The following NIT1 variants were observed in gnomAD, a reference collection of about 807,000 sequenced individuals.
NIT1 encodes the protein nitrilase 1, also known as deaminated glutathione amidase.
A neutral mutation model predicts 36.8 loss-of-function variants in NIT1; 30 were observed. The ratio of observed to expected loss-of-function variants is 0.82; its 90% CI spans 0.61 to 1.11. The LOEUF is 1.11. NIT1 is among the 50% of genes least tolerant of loss of function. The pLI, the probability that NIT1 is intolerant of heterozygous loss-of-function variation, is 0.00. For synonymous variants in NIT1, 151 were observed against 155.6 expected, an observed-to-expected ratio of 0.97 and a Z score of 0.22; for missense variants, 438 against 410.6, an observed-to-expected ratio of 1.07 and a Z score of -0.58.
At chr1:161,122,190 C>T (rs902106454), downstream of NIT1, 2 of 1,614,034 alleles carry the variant, frequency 1.2e-6, no homozygotes, top group Non-Finnish European at 8.5e-7. This position sits in a 1 kb window ranked among gnomAD's most constrained non-coding sequence, Gnocchi z 4.2. Flanking sequence ...GAGTTTCTGT[C>T]GGCCCAGCTC....
Position 161,119,123 on chromosome 1 carries a change from G to T in NIT1, c.99-11G>T. ...TATGAAATCTGAGAATCCTGCCTAT[G>T]CTGTTCACAGGCCCAGAGCCATGGC... is the stretch of plus-strand genomic sequence containing the variant. On this transcript the variant is annotated splice_polypyrimidine_tract_variant and intron_variant, in intron 2 of 6. Transcript: ENST00000368009. 1 of 1,612,986 alleles carries T rather than the reference G, an allele frequency of 6.2e-7. No individual in the cohort carries two copies.
chr1:161,124,366 C>T, downstream of NIT1: 2 of 1,614,172 alleles, frequency 1.2e-6, no homozygotes, highest in Non-Finnish European at 1.7e-6. Flanking sequence ...TGAGTGCCCA[C>T]GATGTCAAAC....
chr1:161,120,540 A>T lies in NIT1; in HGVS notation c.759A>T (p.Val253=). 1 of 1,614,170 alleles carries T rather than the reference A, an allele frequency of 6.2e-7. No homozygotes were observed. Among genetic ancestry groups the T allele is most frequent in the Non-Finnish European group, 8.5e-7 (1 of 1,180,032 alleles). Residue 253 remains valine (V), a synonymous_variant, in exon 7 of 7, where the codon GTA becomes GTT. Coordinates refer to ENST00000368009, the MANE Select transcript of NIT1 (RefSeq NM_005600.3). ...RARAIETQCY[V]VAAAQCGRHH... ...GTGCTATCGAAACCCAGTGCTATGT[A>T]GTGGCAGCAGCACAGTGTGGACGCC...
chr1:161,124,694 G>T, downstream of NIT1: 1 of 877,112 alleles, frequency 1.1e-6, no homozygotes, highest in Non-Finnish European at 1.6e-6. Context: ...AGGCACAGGG[G>T]CTCACACCTG....
At chr1:161,123,881 G>C (rs933198992), downstream of NIT1, 6 of 1,613,924 alleles carry the variant, frequency 3.7e-6, no homozygotes, top group Admixed American at 1.7e-5. Flanking sequence ...GGATCACTGA[G>C]GGCTCTGGGG....
chr1:161,125,122 G>GT (rs1257403698), downstream of NIT1: 1 of 152,218 alleles, frequency 6.6e-6, no homozygotes, highest in Non-Finnish European at 1.5e-5. Context: ...AATTCTGACT[G>GT]TATCACTGAA....
At chr1:161,119,009 A>G (rs1028321554) in intron 2 of NIT1, 125 bp from the exon 3 acceptor site, 18 of 1,384,508 alleles carry the variant, frequency 1.3e-5, no homozygotes, top group Admixed American at 8.5e-5. Flanking sequence ...CCCTGGGTCA[A>G]CGTGCCCTGT....
Position 161,120,984 on chromosome 1 carries a change from T to G in NIT1, c.*219T>G. The G allele has an allele frequency of 2.1e-6, 3 of 1,408,702 alleles. No individual in the cohort carries two copies. Among genetic ancestry groups the G allele is most frequent in the Non-Finnish European group, 2.8e-6 (3 of 1,084,572 alleles). 87.3% of individuals were successfully genotyped at this position (1,408,702 alleles called of 1,614,324 possible). ...AGTTTCAGAAAGGTGGAATTTTATA[T>G]AGTCATTGTTTATTTCATGGAAACT... On this transcript the variant is annotated 3_prime_UTR_variant, in exon 7 of 7. Transcript: ENST00000368009.
chr1:161,118,928 G>C, intron 2 of NIT1, 47 bp downstream of exon 2: 1 of 1,470,768 alleles, frequency 6.8e-7, no homozygotes, highest in East Asian at 2.3e-5. Flanking sequence ...TAGATGCTCA[G>C]TTTGTTAAAT....
chr1:161,118,879 C>G lies in NIT1; in HGVS notation c.96C>G (p.Pro32=). The change falls in exon 2 of 7, where the codon CCC becomes CCG. Residue 32 remains proline, a splice_region_variant and synonymous_variant. Transcript: ENST00000368009. ...IPQLSVLCAQ[P]RPRAMAISSS... Reference sequence around the variant, plus strand: ...AACTCTCAGTACTTTGTGCTCAGCCCAGGTAACACGTTTTGTTGTGTCCTC... The same window carrying G: ...AACTCTCAGTACTTTGTGCTCAGCCGAGGTAACACGTTTTGTTGTGTCCTC... 7 of 1,611,592 alleles carry G rather than the reference C, an allele frequency of 4.3e-6. 1 individual carries two copies. The South Asian group carries it at 6.6e-5, about 15-fold the overall frequency.
chr1:161,122,023 T>TA (rs1655553693), downstream of NIT1: 134 of 1,161,890 alleles, frequency 1.2e-4, no homozygotes, highest in South Asian at 2.1e-4. The surrounding 1 kb of genome is among the most constrained non-coding windows in gnomAD (Gnocchi z 4.2). Context: ...GTCTTTTTCT[T>TA]TAAAAAAAAA....
chr1:161,119,204 A>C lies in NIT1; in HGVS notation c.169A>C (p.Thr57Pro). Residue 57 changes from threonine to proline, a missense_variant, in exon 3 of 7, where the codon ACG (threonine) becomes CCG (proline). Coordinates refer to ENST00000368009, the MANE Select transcript of NIT1 (RefSeq NM_005600.3). ...PLVAVCQVTS[T>P]PDKQQNFKTC... ...GGTGGCTGTGTGCCAGGTAACATCG[A>C]CGCCAGACAAGCAACAGAACTTTAA... is the stretch of plus-strand genomic sequence containing the variant. The C allele has an allele frequency of 6.2e-7, 1 of 1,614,102 alleles. No homozygotes were observed. The highest frequency in any genetic ancestry group is 8.5e-7 in the Non-Finnish European group (1 of 1,180,036).
chr1:161,122,916 G>C, downstream of NIT1: 1 of 1,343,238 alleles, frequency 7.4e-7, no homozygotes, highest in Non-Finnish European at 1.1e-6. The surrounding 1 kb of genome is among the most constrained non-coding windows in gnomAD (Gnocchi z 4.2). Flanking sequence ...CAATCATAAA[G>C]AGCAGTTCTT....
At chr1:161,123,388 C>T (rs1030397230), downstream of NIT1, among the ~76,000 whole-genome samples, 2 of 152,112 alleles carry the variant, frequency 1.3e-5, no homozygotes. Context: ...GCCTGTAATC[C>T]CAGCACTTTG....
intron 5 of NIT1, 51 bp downstream of exon 5, chr1:161,120,003 C>G: frequency 6.2e-7 from 1 of 1,603,806 alleles, no homozygotes; most frequent in Non-Finnish European, 8.5e-7. Context: ...TTTGAACTGG[C>G]AGTAGAGGAT....
downstream of NIT1, chr1:161,121,896 T>G (rs948270580): frequency 2.1e-6 from 1 of 468,024 alleles, no homozygotes; most frequent in African/African-American, 1.9e-5. Context: ...GTCTTACGGC[T>G]CAGTGGTAAG....
At position 161,118,861 on chromosome 1, in the gene NIT1, A is replaced by T; in HGVS notation, c.78A>T (p.Ser26=). 2 of 1,613,574 alleles carry T rather than the reference A, an allele frequency of 1.2e-6. No homozygotes were observed. Among genetic ancestry groups the T allele is most frequent in the South Asian group, 2.2e-5 (2 of 91,068 alleles). Residue 26 remains serine (S), a synonymous_variant, in exon 2 of 7, where the codon TCA becomes TCT. Coordinates refer to ENST00000368009, the MANE Select transcript of NIT1 (RefSeq NM_005600.3). ...LCPGLRIPQL[S]VLCAQPRPRA... ...CTGGACTCCGGATACCTCAACTCTC[A>T]GTACTTTGTGCTCAGCCCAGGTAAC...
downstream of NIT1, chr1:161,123,135 C>T: frequency 6.2e-7 from 1 of 1,614,232 alleles, no homozygotes; most frequent in Non-Finnish European, 8.5e-7. Flanking sequence ...CGCTGGCTCC[C>T]AAGTGTGGCT....
chr1:161,121,885 T>G, downstream of NIT1: 2 of 437,090 alleles, frequency 4.6e-6, no homozygotes, highest in East Asian at 7.6e-5. Context: ...CCTATACATT[T>G]GTCTTACGGC....
Sources: gnomAD v4.1 joint callset for allele counts (sites outside exome capture counted in the v4.1 genomes callset) on GRCh38, gnomAD v4.1.1 for gene constraint, Gnocchi (gnomAD v3.1) non-coding constraint, MANE v1.5 for transcripts, NCBI Gene and HGNC (gene_info 2026-07-23, HGNC 2026-07-21) for gene names.